Variants in CCDC120 observed in about 807,000 individuals in gnomAD.
CCDC120 encodes coiled-coil domain containing 120.
Under a neutral mutation model 37.6 loss-of-function variants are expected in CCDC120, and 16 were observed. The observed-to-expected ratio is 0.43, with a 90% CI of 0.29 to 0.65. The LOEUF is 0.65. Ranked by LOEUF, CCDC120 falls within the 30% of genes least tolerant of loss-of-function variation. CCDC120 has a pLI of 0.18. For synonymous variants in CCDC120, 309 were observed against 275.4 expected (o/e 1.12, Z -1.21); for missense variants, 650 against 657.4 (o/e 0.99, Z 0.12).
rs2064922993 is a variant in CCDC120, at chrX:49,064,235, G to GAGGC, written c.430-134_430-131dup. The GAGGC allele has an allele frequency of 3.7e-6, 3 of 803,818 alleles. No individual in the cohort carries two copies. In the East Asian group the frequency reaches 1.0e-4, roughly 28 times the overall value. The allele number at this position is 803,818 out of a possible 1,213,427, so 66.2% of individuals were successfully genotyped here. Reference sequence around the variant, plus strand: ...GAACAGACCCAGCCCTTCACCAAGAGAGGCCCTGACACGCCCCCTCCCCGG... The same window carrying GAGGC: ...GAACAGACCCAGCCCTTCACCAAGAGAGGCAGGCCCTGACACGCCCCCTCCCCGG... On this transcript the variant is annotated intron_variant, in intron 5 of 10. Transcript: ENST00000603986.
upstream of CCDC120, among the ~76,000 whole-genome samples, chrX:49,058,069 C>A (rs1221973741): frequency 9.0e-6 from 1 of 111,401 alleles, no homozygotes; most frequent in East Asian, 2.8e-4. Flanking sequence ...CAGCCAGGAC[C>A]CAGCCCCCGG....
chrX:49,058,631 C>A (rs2064847730), upstream of CCDC120, among the ~76,000 whole-genome samples: 1 of 112,723 alleles, frequency 8.9e-6, no homozygotes, highest in African/African-American at 3.2e-5. Flanking sequence ...CCCTTCTTCC[C>A]AGTTTTCTGC....
chrX:49,059,651 T>G (rs1031677302), intron 1 of CCDC120, among the ~76,000 whole-genome samples: 2 of 112,299 alleles, frequency 1.8e-5, no homozygotes, highest in Non-Finnish European at 3.8e-5. Flanking sequence ...GCCACCCAGG[T>G]GAGGTATCTT....
intron 4 of CCDC120, among the ~76,000 whole-genome samples, chrX:49,063,291 T>G (rs1224697131): frequency 9.2e-6 from 1 of 108,527 alleles, no homozygotes; most frequent in Non-Finnish European, 1.9e-5. Context: ...AGGTGGAGGT[T>G]GCGGTGAGCT....
At chrX:49,066,954 C>G (rs2064961653) in intron 9 of CCDC120, 4 of 412,432 alleles carry the variant, frequency 9.7e-6, no homozygotes, top group Non-Finnish European at 1.7e-5. Flanking sequence ...AGTGCCAGGC[C>G]TCCCCCACGC....
upstream of CCDC120, among the ~76,000 whole-genome samples, chrX:49,054,145 A>C (rs1489105956): frequency 9.1e-6 from 1 of 110,467 alleles, no homozygotes; most frequent in Non-Finnish European, 1.9e-5. Flanking sequence ...TCCAGTCCTG[A>C]CCCCAAACCC....
chrX:49,065,604 G>A lies in CCDC120; in HGVS notation c.938G>A (p.Arg313Gln), dbSNP rs1557080965. The change falls in exon 8 of 11, where the codon CGG becomes CAG. Residue 313 changes from arginine to glutamine, a missense_variant. Arg to Gln is a conservative substitution (Grantham distance 43). Coordinates refer to ENST00000603986, the MANE Select transcript of CCDC120 (RefSeq NM_001163321.4). The part of the protein sequence containing the change: ...SDLYGDLKSR[R>Q]NSVASPTSPT... The stretch of plus-strand genomic sequence containing the variant: ...CTTTATGGGGATCTGAAGAGCCGGC[G>A]GAACTCTGTGGCCAGCCCCACCAGG... 3.3e-6 allele frequency: 4 copies of A among 1,208,767 alleles called. No homozygotes were observed. The highest frequency in any genetic ancestry group is 4.5e-6 in the Non-Finnish European group (4 of 894,412).
Position 49,059,414 on chromosome X carries a change from C to A in CCDC120, c.-84+319C>A, listed in dbSNP as rs955540250. The A allele has an allele frequency of 1.3e-5, 9 of 698,237 alleles. No homozygotes were observed. The African/African-American group carries it at 1.9e-4, about 15-fold the overall frequency. 57.5% of individuals were successfully genotyped at this position (698,237 alleles called of 1,213,427 possible). Reference sequence around the variant, plus strand: ...CCCTATCCCTGCTTCCTTTCCTCCCCGCCAGGAGTAGCCTCTGTCCTCCCC... The same window carrying A: ...CCCTATCCCTGCTTCCTTTCCTCCCAGCCAGGAGTAGCCTCTGTCCTCCCC... On this transcript the variant is annotated intron_variant, in intron 1 of 10. Coordinates refer to ENST00000603986, the MANE Select transcript of CCDC120 (RefSeq NM_001163321.4).
At chrX:49,064,087 C>A in intron 5 of CCDC120, 86 bp downstream of exon 5, 1 of 1,070,056 alleles carries the variant, frequency 9.3e-7, no homozygotes, top group African/African-American at 1.9e-5. Context: ...GGGGAGGGGG[C>A]TTGTGGCCAG....
upstream of CCDC120, among the ~76,000 whole-genome samples, chrX:49,056,727 C>A (rs1347722408): frequency 9.2e-6 from 1 of 109,223 alleles, no homozygotes; most frequent in Non-Finnish European, 1.9e-5. Context: ...ACAACTGTTT[C>A]AAATGTATCA....
upstream of CCDC120, among the ~76,000 whole-genome samples, chrX:49,057,058 C>G (rs2064836207): frequency 9.0e-6 from 1 of 111,714 alleles, no homozygotes. Context: ...CTAGTGACAG[C>G]AGGGTCACGT....
rs1277067392 is a variant in CCDC120, at chrX:49,068,642, C to A, written c.2075C>A (p.Pro692Gln). ...TCCTCCAGTTCTGACACCCAGACCC[C>A]GGGGACACTGGTCTGACCCCTTCTG... ...EQSSSSDTQT[P>Q]GTLV The change falls in exon 11 of 11, where the codon CCG becomes CAG. Residue 692 changes from proline to glutamine, a missense_variant. Physicochemically the swap from Pro to Gln is moderately conservative, Grantham distance 76. Around this residue, in one of 3 missense-constraint regions of CCDC120, gnomAD observed 576 missense variants for 565.3 expected, o/e 1.02. Coordinates refer to ENST00000603986, the MANE Select transcript of CCDC120 (RefSeq NM_001163321.4). The A allele has an allele frequency of 8.7e-7, 1 of 1,147,299 alleles. No individual in the cohort carries two copies. Among genetic ancestry groups the A allele is most frequent in the African/African-American group, 1.8e-5 (1 of 54,786 alleles). 94.6% of individuals were successfully genotyped at this position (1,147,299 alleles called of 1,213,427 possible).
chrX:49,057,581 G>T (rs2064839848), upstream of CCDC120, among the ~76,000 whole-genome samples: 1 of 112,853 alleles, frequency 8.9e-6, no homozygotes, highest in Admixed American at 9.3e-5. Context: ...AGGGGCCTTT[G>T]TGTTCCATGC....
At chrX:49,058,750 T>G (rs946910925), upstream of CCDC120, among the ~76,000 whole-genome samples, 1 of 112,578 alleles carries the variant, frequency 8.9e-6, no homozygotes, top group Non-Finnish European at 1.9e-5. Flanking sequence ...CTTGAACTCT[T>G]GGCTTCAAGC....
chrX:49,056,290 T>C (rs782264966), upstream of CCDC120, among the ~76,000 whole-genome samples: 15 of 110,595 alleles, frequency 1.4e-4, no homozygotes, highest in African/African-American at 4.9e-4. Flanking sequence ...CGTGTCTAGA[T>C]AGCAAGTGGG....
In CCDC120 at chrX:49,067,953, G is replaced by A; in HGVS notation, c.1839G>A (p.Val613=). The A allele has an allele frequency of 8.7e-7, 1 of 1,146,562 alleles. No homozygotes were observed. The highest frequency in any genetic ancestry group is 1.2e-6 in the Non-Finnish European group (1 of 861,032). 94.5% of individuals were successfully genotyped at this position (1,146,562 alleles called of 1,213,427 possible). ...GLAAGPQRRP[V]LPSVGPPHPP... The stretch of plus-strand genomic sequence containing the variant: ...CTGCGGGGCCCCAGCGCCGGCCTGT[G>A]CTCCCTTCCGTGGGCCCGCCACACC... Residue 613 remains valine (V), a synonymous_variant, in exon 10 of 11, where the codon GTG becomes GTA. Transcript: ENST00000603986.
intron 9 of CCDC120, 177 bp from the exon 10 acceptor site, chrX:49,066,999 C>T: frequency 4.4e-6 from 2 of 454,842 alleles, no homozygotes; most frequent in Non-Finnish European, 7.7e-6. Flanking sequence ...TAGGATAGAA[C>T]CTCAGCTGCC....
At chrX:49,060,611 G>T (rs890805634) in intron 1 of CCDC120, among the ~76,000 whole-genome samples, 3 of 109,730 alleles carry the variant, frequency 2.7e-5, no homozygotes, top group African/African-American at 1.0e-4. Flanking sequence ...GAAAGTTGGA[G>T]CCCCAGTGAT....
At position 49,064,502 on chromosome X, in the gene CCDC120, G is replaced by A. The variant is rs1557080485; in HGVS notation, c.562G>A (p.Ala188Thr). 1.7e-6 allele frequency: 2 copies of A among 1,185,279 alleles called. No individual in the cohort carries two copies. Among genetic ancestry groups the A allele is most frequent in the South Asian group, 3.7e-5 (2 of 53,882 alleles). The change falls in exon 6 of 11, where the codon GCA becomes ACA. Residue 188 changes from alanine to threonine, a missense_variant. By Grantham distance (58) the Ala-to-Thr change is moderately conservative. Around this residue, in one of 3 missense-constraint regions of CCDC120, gnomAD observed 576 missense variants for 565.3 expected, o/e 1.02. Transcript: ENST00000603986. ...GCGCCGGCGCCAGGTCCAGGCAGAT[G>A]CACTGAGGAGGCTGCATGAGCTAGA... is the stretch of plus-strand genomic sequence containing the variant. ...RRRRRQVQAD[A>T]LRRLHELEEQ...
Sources: allele counts gnomAD v4.1 joint callset (sites outside exome capture counted in the v4.1 genomes callset), GRCh38; gene constraint gnomAD v4.1.1; regional missense constraint gnomAD v4.1.1; transcripts MANE v1.5; gene names NCBI Gene and HGNC (gene_info 2026-07-23, HGNC 2026-07-21).